GABRA1: variants seen among roughly 807,000 people sequenced by gnomAD.
GABRA1 encodes gamma-aminobutyric acid type A receptor subunit alpha1.
A neutral mutation model predicts 48.9 loss-of-function variants in GABRA1; 9 were observed. The ratio of observed to expected loss-of-function variants is 0.18; its 90% confidence interval spans 0.11 to 0.32. The LOEUF is 0.32. GABRA1 is among the 10% of genes least tolerant of loss of function. The pLI is 1.00. For synonymous variants in GABRA1, 210 were observed against 198.7 expected (o/e 1.06, Z -0.48); for missense variants, 285 against 553.8 (o/e 0.51, Z 4.87).
At chr5:161,864,972 C>T (rs1038379441) in intron 3 of GABRA1, among the ~76,000 whole-genome samples, 3 of 151,842 alleles carry the variant, frequency 2.0e-5, no homozygotes, top group African/African-American at 7.3e-5. Flanking sequence ...TTTCTGAAAG[C>T]ATTGTTTTTC....
In GABRA1 at chr5:161,849,084, A is replaced by C. The variant is rs1000216496; in HGVS notation, c.-16+662A>C. The C allele has an allele frequency of 7.0e-5, 30 of 430,312 alleles. No individual in the cohort carries two copies. In the East Asian group the frequency reaches 2.2e-3, roughly 32 times the overall value. 26.7% of individuals were successfully genotyped at this position (430,312 alleles called of 1,614,324 possible). ...GGGGAGGGGGAGGTTGAAGGTAGAA[A>C]GTGGTAAGACTGCAGCTTAGCCTTT... On this transcript the variant is annotated intron_variant, in intron 1 of 9. Coordinates refer to ENST00000393943, the MANE Select transcript of GABRA1 (RefSeq NM_001127644.2).
rs904521405 is a variant in GABRA1, at chr5:161,897,437, T to C, written c.*15T>C. 1.9e-6 allele frequency: 3 copies of C among 1,607,380 alleles called. No homozygotes were observed. The highest frequency in any genetic ancestry group is 2.6e-6 in the Non-Finnish European group (3 of 1,174,236). On this transcript the variant is annotated 3_prime_UTR_variant, in exon 10 of 10. Coordinates refer to ENST00000393943, the MANE Select transcript of GABRA1 (RefSeq NM_001127644.2). The stretch of plus-strand genomic sequence containing the variant: ...CACATCAATAGATCTTTTACTCACA[T>C]TCTGTTGTTCAGTCCTCTGCACTGG...
intron 7 of GABRA1, among the ~76,000 whole-genome samples, chr5:161,888,475 T>G (rs1419147758): frequency 1.3e-5 from 2 of 152,102 alleles, no homozygotes; most frequent in Non-Finnish European, 2.9e-5. Context: ...GCTCTTCAGA[T>G]CTCCAAAAAT....
intron 3 of GABRA1, among the ~76,000 whole-genome samples, chr5:161,863,540 C>A (rs1027742907): frequency 2.0e-5 from 3 of 152,034 alleles, no homozygotes; most frequent in African/African-American, 7.2e-5. Flanking sequence ...AAGGAGATGG[C>A]CCAAGCCATT....
intron 7 of GABRA1, among the ~76,000 whole-genome samples, chr5:161,887,868 G>A (rs1419476405): frequency 6.6e-6 from 1 of 152,074 alleles, no homozygotes; most frequent in Non-Finnish European, 1.5e-5. Flanking sequence ...CATCCTCCTA[G>A]GAGACAGTTA....
intron 3 of GABRA1, among the ~76,000 whole-genome samples, chr5:161,860,516 G>A (rs1186555146): frequency 6.6e-6 from 1 of 151,588 alleles, no homozygotes; most frequent in African/African-American, 2.4e-5. Context: ...GATGGTTAAT[G>A]GGTACAAAAG....
chr5:161,885,400 T>C (rs1435158774), intron 7 of GABRA1, among the ~76,000 whole-genome samples: 1 of 152,130 alleles, frequency 6.6e-6, no homozygotes, highest in African/African-American at 2.4e-5. Context: ...AGAATGATGG[T>C]GAGAGAGAAC....
At chr5:161,859,097 AT>A (rs1165369776) in intron 3 of GABRA1, among the ~76,000 whole-genome samples, 1 of 151,484 alleles carries the variant, frequency 6.6e-6, no homozygotes, top group Non-Finnish European at 1.5e-5. Flanking sequence ...GTAGATTTGG[AT>A]TTTTTTGGTT....
intron 4 of GABRA1, among the ~76,000 whole-genome samples, chr5:161,870,300 T>C (rs1462237378): frequency 6.6e-6 from 1 of 151,978 alleles, no homozygotes; most frequent in Non-Finnish European, 1.5e-5. Flanking sequence ...AGTGGATCAC[T>C]CCTATAATCC....
chr5:161,893,344 T>A (rs552075692), intron 8 of GABRA1, among the ~76,000 whole-genome samples: 5 of 152,182 alleles, frequency 3.3e-5, no homozygotes, highest in Non-Finnish European at 7.4e-5. Context: ...ATGTTTCTAA[T>A]ATTTTAAGTT....
intron 4 of GABRA1, among the ~76,000 whole-genome samples, chr5:161,869,749 C>G (rs1346172406): frequency 2.0e-5 from 3 of 152,172 alleles, no homozygotes; most frequent in Non-Finnish European, 2.9e-5. Context: ...CACTATTGAA[C>G]AGAGCAACTC....
At chr5:161,865,424 G>A (rs778060090) in intron 3 of GABRA1, among the ~76,000 whole-genome samples, 1 of 152,050 alleles carries the variant, frequency 6.6e-6, no homozygotes, top group Non-Finnish European at 1.5e-5. Flanking sequence ...ACAATGTGAA[G>A]CAGTTTAGTA....
At chr5:161,892,586 T>G (rs1208634151) in intron 8 of GABRA1, among the ~76,000 whole-genome samples, 8 of 152,206 alleles carry the variant, frequency 5.3e-5, no homozygotes, top group Non-Finnish European at 1.2e-4. Context: ...GTGTCGATAT[T>G]AATTAGCAAT....
At chr5:161,850,455 AAAC>A (rs1457133562) in intron 1 of GABRA1, 1 of 461,038 alleles carries the variant, frequency 2.2e-6, no homozygotes, top group African/African-American at 2.0e-5. Flanking sequence ...TTTAGATGAT[AAAC>A]AACAAGAAGA....
chr5:161,865,846 A>G (rs982522969), intron 4 of GABRA1, 58 bp downstream of exon 4: 4 of 1,444,794 alleles, frequency 2.8e-6, no homozygotes, highest in Middle Eastern at 1.7e-4. Flanking sequence ...TAACTTTTCA[A>G]AGAAAAATAT....
chr5:161,865,301 T>C (rs566064847), intron 3 of GABRA1, among the ~76,000 whole-genome samples: 34 of 152,254 alleles, frequency 2.2e-4, no homozygotes, highest in Admixed American at 1.9e-3. Context: ...TAATAACGCT[T>C]GCTAAAGTAC....
intron 3 of GABRA1, among the ~76,000 whole-genome samples, chr5:161,864,984 A>G (rs1475244264): frequency 2.6e-5 from 4 of 152,026 alleles, no homozygotes; most frequent in Non-Finnish European, 4.4e-5. Flanking sequence ...TTGTTTTTCT[A>G]TTTCTTGGAG....
intron 7 of GABRA1, among the ~76,000 whole-genome samples, chr5:161,883,890 T>TAAAA (rs202084941): frequency 2.0e-5 from 3 of 151,686 alleles, no homozygotes; most frequent in African/African-American, 7.3e-5. Flanking sequence ...ATTTTTTTTT[T>TAAAA]AAAAAATGGA....
rs370978234 is a variant in GABRA1 at position 161,893,014 on chromosome 5, ATAATAATAAT to A, written c.856+1965_856+1974del. On this transcript the variant is annotated intron_variant, in intron 8 of 9. Coordinates refer to ENST00000393943, the MANE Select transcript of GABRA1 (RefSeq NM_001127644.2). The stretch of plus-strand genomic sequence containing the variant: ...AGCGAGACTCCTTCTCAAAAAAATA[ATAATAATAAT>A]AATAATAATAATAATAATAATAATA... Among the ~76,000 whole-genome samples, 14 of 88,846 alleles carry A rather than the reference ATAATAATAAT, an allele frequency of 1.6e-4. 1 individual carries two copies. Among genetic ancestry groups the A allele is most frequent in the South Asian group, 1.3e-3 (3 of 2,334 alleles). 58.3% of individuals were successfully genotyped at this position (88,846 alleles called of 152,430 possible). A position where few individuals can be genotyped will look rare whatever the true frequency, so the allele number is the denominator to read the frequency against.
Sources: gnomAD v4.1 joint callset for allele counts (sites outside exome capture counted in the v4.1 genomes callset) on GRCh38, gnomAD v4.1.1 for gene constraint, MANE v1.5 for transcripts, NCBI Gene and HGNC (gene_info 2026-07-23, HGNC 2026-07-21) for gene names.